DLG2: variants seen among roughly 807,000 people sequenced by gnomAD.
The protein encoded by DLG2 is disks large homolog 2.
A neutral mutation model predicts 132.5 loss-of-function variants in DLG2; 45 were observed. The observed-to-expected ratio is 0.34, with a 90% CI of 0.27 to 0.44. DLG2 has a LOEUF of 0.44. Among genes scored for constraint, DLG2 ranks in the 20% least tolerant of loss-of-function variants. The pLI, the probability that DLG2 is intolerant of heterozygous loss-of-function variation, is 1.00. For missense variants in DLG2, 1,045 were observed against 1,196.9 expected (o/e 0.87, Z 1.87); for synonymous variants, 424 against 419.6 (o/e 1.01, Z -0.13).
At chr11:84,459,680 TAG>T (rs1330947665) in intron 7 of DLG2, among the ~76,000 whole-genome samples, 1 of 150,680 alleles carries the variant, frequency 6.6e-6, no homozygotes, top group Non-Finnish European at 1.5e-5. Flanking sequence ...ATAGCTATAT[TAG>T]AGTTATTTCT....
intron 23 of DLG2, 32 bp from the exon 24 acceptor site, chr11:83,471,759 GAGAA>G: frequency 6.3e-7 from 1 of 1,584,946 alleles, no homozygotes; most frequent in Non-Finnish European, 8.7e-7. Flanking sequence ...TGTAGGTAAA[GAGAA>G]AGAGTTGGAA....
intron 6 of DLG2, among the ~76,000 whole-genome samples, chr11:84,685,722 T>C (rs929392541): frequency 1.3e-5 from 2 of 152,194 alleles, no homozygotes; most frequent in Non-Finnish European, 2.9e-5. Context: ...CTTTTTTTTT[T>C]TGAGACGGAG....
At chr11:83,583,350 A>G (rs1257316390) in intron 19 of DLG2, among the ~76,000 whole-genome samples, 2 of 152,124 alleles carry the variant, frequency 1.3e-5, no homozygotes, top group Non-Finnish European at 2.9e-5. Context: ...ATATTACCGA[A>G]AGCCTGCAAG....
intron 6 of DLG2, among the ~76,000 whole-genome samples, chr11:85,081,488 GGTGGGT>G (rs2067220643): frequency 6.6e-6 from 1 of 152,092 alleles, no homozygotes; most frequent in African/African-American, 2.4e-5. Context: ...TGCTTCTCAA[GGTGGGT>G]CCTAGAAACC....
chr11:85,214,888 T>C (rs573063130), intron 4 of DLG2, among the ~76,000 whole-genome samples: 75 of 152,282 alleles, frequency 4.9e-4, no homozygotes, highest in African/African-American at 1.8e-3. Flanking sequence ...ATGATAAATC[T>C]TTTATCAAAA....
rs530013158 is a variant in DLG2, at chr11:84,085,483, A to G, written c.749+13440T>C. Among the ~76,000 whole-genome samples, 5 of 152,302 alleles carry G rather than the reference A, an allele frequency of 3.3e-5. No individual in the cohort carries two copies. In the East Asian group the frequency reaches 9.6e-4, roughly 29 times the overall value. On this transcript the variant is annotated intron_variant, in intron 10 of 27. Coordinates refer to ENST00000376104, the MANE Select transcript of DLG2 (RefSeq NM_001142699.3). ...CAGAGCTCTGAGTTTAACTGAAACA[A>G]AGCATTGATTTCCTGGCCATGATAA...
chr11:85,517,843 T>C (rs1043513292), intron 3 of DLG2, among the ~76,000 whole-genome samples: 1 of 152,110 alleles, frequency 6.6e-6, no homozygotes, highest in African/African-American at 2.4e-5. Context: ...GGGAGATAAC[T>C]GAATCATGGA....
At chr11:83,717,974 C>T (rs2087162787) in intron 18 of DLG2, among the ~76,000 whole-genome samples, 1 of 152,090 alleles carries the variant, frequency 6.6e-6, no homozygotes, top group Non-Finnish European at 1.5e-5. Context: ...AGGAACAATC[C>T]CTGTTCTGGT....
chr11:83,603,018 C>CTGTG (rs143333731), intron 19 of DLG2, among the ~76,000 whole-genome samples: 1 of 150,016 alleles, frequency 6.7e-6, no homozygotes, highest in Non-Finnish European at 1.5e-5. Context: ...AACCCAGTGA[C>CTGTG]TGTGTGTGTG....
chr11:84,899,069 C>T (rs1048249989), intron 6 of DLG2, among the ~76,000 whole-genome samples: 1 of 151,976 alleles, frequency 6.6e-6, no homozygotes, highest in Non-Finnish European at 1.5e-5. Flanking sequence ...TTAAAATAGG[C>T]TTCAATTCCG....
intron 19 of DLG2, among the ~76,000 whole-genome samples, chr11:83,618,948 A>C (rs933967916): frequency 6.6e-6 from 1 of 152,112 alleles, no homozygotes; most frequent in Non-Finnish European, 1.5e-5. Context: ...TTTTTTTGCA[A>C]CTAACTTCAG....
chr11:84,010,465 T>A (rs1360234167), intron 11 of DLG2, among the ~76,000 whole-genome samples: 5 of 151,930 alleles, frequency 3.3e-5, no homozygotes, highest in Admixed American at 6.6e-5. Flanking sequence ...CCAATTTTTT[T>A]ATTTAGTTTT....
chr11:84,469,461 A>G (rs2099102930), intron 7 of DLG2, among the ~76,000 whole-genome samples: 1 of 151,682 alleles, frequency 6.6e-6, no homozygotes. Context: ...TTAAAGCCTC[A>G]GCAAAAAGTA....
chr11:83,736,255 T>G (rs2091877390), intron 18 of DLG2, among the ~76,000 whole-genome samples: 1 of 152,160 alleles, frequency 6.6e-6, no homozygotes, highest in Non-Finnish European at 1.5e-5. Context: ...TGGTCATGTG[T>G]CCCTGAGCAG....
chr11:83,763,180 T>A (rs1466687875), intron 18 of DLG2, among the ~76,000 whole-genome samples: 1 of 152,206 alleles, frequency 6.6e-6, no homozygotes, highest in African/African-American at 2.4e-5. Context: ...AGAATTTTTT[T>A]AACTTTTATT....
At chr11:83,570,569 A>G (rs748033592) in intron 19 of DLG2, among the ~76,000 whole-genome samples, 26 of 152,156 alleles carry the variant, frequency 1.7e-4, no homozygotes, top group Non-Finnish European at 3.4e-4. Flanking sequence ...AGGTAAATAA[A>G]AGTAAAATTA....
At chr11:84,894,453 G>A (rs187665391) in intron 6 of DLG2, among the ~76,000 whole-genome samples, 26 of 152,066 alleles carry the variant, frequency 1.7e-4, no homozygotes, top group African/African-American at 4.8e-4. Flanking sequence ...AAATTATGGC[G>A]TGTAATTTAG....
intron 7 of DLG2, among the ~76,000 whole-genome samples, chr11:84,396,686 A>C (rs972190168): frequency 6.6e-5 from 10 of 152,248 alleles, no homozygotes; most frequent in African/African-American, 2.4e-4. Context: ...CCTGGTGCAG[A>C]TGAGATGAGA....
intron 19 of DLG2, among the ~76,000 whole-genome samples, chr11:83,626,421 G>C (rs2062539989): frequency 6.6e-6 from 1 of 152,020 alleles, no homozygotes; most frequent in Non-Finnish European, 1.5e-5. Context: ...ACTACAGACT[G>C]GTACATTGCA....
Sources: allele counts gnomAD v4.1 joint callset (sites outside exome capture counted in the v4.1 genomes callset), GRCh38; gene constraint gnomAD v4.1.1; transcripts MANE v1.5; gene names NCBI Gene and HGNC (gene_info 2026-07-23, HGNC 2026-07-21).